MYRIP: variants seen among roughly 807,000 people sequenced by gnomAD.
MYRIP encodes myosin VIIA and Rab interacting protein.
Under a neutral mutation model 98.0 loss-of-function variants are expected in MYRIP, and 49 were observed. The ratio of observed to expected loss-of-function variants is 0.50; its 90% CI spans 0.40 to 0.63. The LOEUF is 0.63. Among genes scored for constraint, MYRIP ranks in the 30% least tolerant of loss-of-function variants. The pLI is 0.00. For synonymous variants in MYRIP, 404 were observed against 409.5 expected (o/e 0.99, Z 0.16); for missense variants, 1,004 against 1,058.2 (o/e 0.95, Z 0.71).
intron 2 of MYRIP, among the ~76,000 whole-genome samples, chr3:40,007,954 A>G (rs1946670625): frequency 6.6e-6 from 1 of 152,220 alleles, no homozygotes; most frequent in Non-Finnish European, 1.5e-5. Flanking sequence ...CACCTTGACA[A>G]GAACACCCAG....
At chr3:40,044,357 A>G (rs1947622692) in intron 3 of MYRIP, 86 bp downstream of exon 3, 3 of 1,326,750 alleles carry the variant, frequency 2.3e-6, no homozygotes, top group Non-Finnish European at 1.1e-6. Flanking sequence ...AGAACCAGCT[A>G]TGATTGGTAG....
intron 2 of MYRIP, among the ~76,000 whole-genome samples, chr3:39,983,191 G>A (rs149579224): frequency 0.019 from 2,849 of 152,256 alleles, 53 homozygotes; most frequent in Non-Finnish European, 0.023. Context: ...TCTGTGGCCC[G>A]GTTCCTTTAT....
chr3:40,121,834 G>T (rs374131129), intron 3 of MYRIP, among the ~76,000 whole-genome samples: 10 of 152,092 alleles, frequency 6.6e-5, no homozygotes, highest in Non-Finnish European at 1.5e-4. Flanking sequence ...AGTAAAAAAG[G>T]GGTTTCTGAT....
At chr3:40,058,912 T>C (rs1947941036) in intron 3 of MYRIP, among the ~76,000 whole-genome samples, 1 of 152,126 alleles carries the variant, frequency 6.6e-6, no homozygotes, top group Admixed American at 6.5e-5. Flanking sequence ...TAGGTATTTC[T>C]CCTAAGGCTA....
chr3:39,955,032 A>T (rs1324546978), intron 2 of MYRIP, among the ~76,000 whole-genome samples: 6 of 152,198 alleles, frequency 3.9e-5, no homozygotes, highest in Non-Finnish European at 8.8e-5. Context: ...ATGTGAAAAG[A>T]CCAAATCTAC....
intron 8 of MYRIP, among the ~76,000 whole-genome samples, chr3:40,180,211 G>A (rs1950853500): frequency 1.3e-5 from 2 of 152,176 alleles, no homozygotes; most frequent in East Asian, 1.9e-4. Flanking sequence ...CAGGATGTAA[G>A]TGTAGATGAC....
chr3:40,132,735 C>A (rs1949673402), intron 3 of MYRIP, among the ~76,000 whole-genome samples: 1 of 152,262 alleles, frequency 6.6e-6, no homozygotes, highest in African/African-American at 2.4e-5. Context: ...CCTTTACCAG[C>A]TTTCCTCTAG....
At chr3:39,814,828 T>G (rs1162480730) in intron 1 of MYRIP, among the ~76,000 whole-genome samples, 1 of 152,232 alleles carries the variant, frequency 6.6e-6, no homozygotes, top group Non-Finnish European at 1.5e-5. Context: ...TTACATTGAA[T>G]CTAAAGGTTA....
intron 2 of MYRIP, among the ~76,000 whole-genome samples, chr3:39,934,548 G>A (rs1234162235): frequency 1.3e-5 from 2 of 152,044 alleles, no homozygotes; most frequent in Non-Finnish European, 2.9e-5. Context: ...AGAAGAACAA[G>A]GTCCAAAGGG....
At chr3:40,115,476 T>C (rs1422903679) in intron 3 of MYRIP, among the ~76,000 whole-genome samples, 1 of 152,124 alleles carries the variant, frequency 6.6e-6, no homozygotes, top group Non-Finnish European at 1.5e-5. Flanking sequence ...TCAAATCTCA[T>C]GAGAACTCAC....
At chr3:40,087,051 G>A (rs572836047) in intron 3 of MYRIP, among the ~76,000 whole-genome samples, 78 of 152,172 alleles carry the variant, frequency 5.1e-4, no homozygotes, top group Middle Eastern at 3.4e-3. Flanking sequence ...CCACTGCTAC[G>A]TGGGCGAACA....
rs1345386509 is a variant in MYRIP, at chr3:39,874,301, C to G, written c.-30-26486C>G. Among the ~76,000 whole-genome samples, 24 of 152,176 alleles carry G rather than the reference C, an allele frequency of 1.6e-4. No individual in the cohort carries two copies. The Middle Eastern group carries it at 0.01, about 65-fold the overall frequency. ...TCATCTGCAAACAGGGACAATTTGA[C>G]TTCCTCTTTTCCTAATTGAATACCC... On this transcript the variant is annotated intron_variant, in intron 1 of 16. Transcript: ENST00000302541.
At chr3:39,832,738 G>A (rs1941488037) in intron 1 of MYRIP, among the ~76,000 whole-genome samples, 1 of 152,158 alleles carries the variant, frequency 6.6e-6, no homozygotes, top group Non-Finnish European at 1.5e-5. Flanking sequence ...TTGAGCAGTA[G>A]GAATGTTGTC....
At chr3:39,820,865 A>G (rs1575272111) in intron 1 of MYRIP, among the ~76,000 whole-genome samples, 1 of 152,224 alleles carries the variant, frequency 6.6e-6, no homozygotes, top group Middle Eastern at 3.4e-3. Flanking sequence ...TCATGCTCCC[A>G]GGTCTGAATC....
chr3:40,177,745 A>G (rs1950799174), intron 8 of MYRIP, among the ~76,000 whole-genome samples: 1 of 152,168 alleles, frequency 6.6e-6, no homozygotes. Flanking sequence ...GCATGCATAT[A>G]AAAAGGCCTC....
At chr3:39,861,074 G>T (rs913352566) in intron 1 of MYRIP, among the ~76,000 whole-genome samples, 3 of 152,234 alleles carry the variant, frequency 2.0e-5, no homozygotes, top group Non-Finnish European at 4.4e-5. Flanking sequence ...GAGCGCTTTG[G>T]CTGGCACCAC....
At chr3:40,167,843 G>A (rs544483777) in intron 7 of MYRIP, among the ~76,000 whole-genome samples, 89 of 152,242 alleles carry the variant, frequency 5.8e-4, no homozygotes, top group Non-Finnish European at 8.2e-4. Context: ...ACAGGTGAAC[G>A]GCCAGATGAA....
In MYRIP at chr3:39,898,649, T is replaced by C. The variant is rs188216812; in HGVS notation, c.-30-2138T>C. Among the ~76,000 whole-genome samples the C allele has an allele frequency of 1.2e-4, 19 of 152,272 alleles. No homozygotes were observed. In the East Asian group the frequency reaches 3.7e-3, roughly 29 times the overall value. On this transcript the variant is annotated intron_variant, in intron 1 of 16. Coordinates refer to ENST00000302541, the MANE Select transcript of MYRIP (RefSeq NM_015460.4). ...GGTTGCCATTGTCTTAGACATAATA[T>C]ATATTGACCTGTTTTCTCATTTGTA...
intron 12 of MYRIP, among the ~76,000 whole-genome samples, chr3:40,236,778 G>T (rs1166637159): frequency 6.6e-6 from 1 of 152,154 alleles, no homozygotes; most frequent in Non-Finnish European, 1.5e-5. Flanking sequence ...CTCCTGCAGA[G>T]TCAACTGTGC....
Sources: gnomAD v4.1 joint callset for allele counts (sites outside exome capture counted in the v4.1 genomes callset) on GRCh38, gnomAD v4.1.1 for gene constraint, MANE v1.5 for transcripts, NCBI Gene and HGNC (gene_info 2026-07-23, HGNC 2026-07-21) for gene names.